Variants in ICA1 observed in about 807,000 individuals in gnomAD.
The protein encoded by ICA1 is islet cell autoantigen 1, also known as 69 kDa islet cell autoantigen.
A neutral mutation model predicts 71.0 loss-of-function variants in ICA1; 40 were observed. The observed-to-expected ratio is 0.56, with a 90% CI of 0.44 to 0.73. The LOEUF (loss-of-function observed/expected upper bound fraction) is 0.73, where lower values mean the gene tolerates loss of function less well. Ranked by LOEUF, ICA1 falls within the 30% of genes least tolerant of loss-of-function variation. The pLI, the probability that ICA1 is intolerant of heterozygous loss-of-function variation, is 0.00. For missense variants in ICA1, 578 were observed against 576.5 expected, an observed-to-expected ratio of 1.00 and a Z score of -0.03; for synonymous variants, 207 against 209.5, an observed-to-expected ratio of 0.99 and a Z score of 0.10.
chr7:8,211,014 G>C lies in ICA1; in HGVS notation c.579+7291C>G, dbSNP rs144062825. On this transcript the variant is annotated intron_variant, in intron 6 of 13. Transcript: ENST00000402384. ...TCACCTGCACTTTGGGTTGGAGGAA[G>C]GCCGCTGAATCGTAGAAGAGGAAGT... Among the ~76,000 whole-genome samples the C allele has an allele frequency of 2.5e-3, 388 of 152,304 alleles. 1 individual carries two copies. Among genetic ancestry groups the C allele is most frequent in the African/African-American group, 8.6e-3 (357 of 41,562 alleles).
intron 10 of ICA1, among the ~76,000 whole-genome samples, chr7:8,140,644 G>A (rs1023650794): frequency 3.3e-5 from 5 of 152,334 alleles, no homozygotes; most frequent in South Asian, 2.1e-4. Context: ...AGAGCCCAGC[G>A]CCATGCCTGG....
At chr7:8,257,612 C>T (rs955951371) in intron 1 of ICA1, among the ~76,000 whole-genome samples, 1 of 152,156 alleles carries the variant, frequency 6.6e-6, no homozygotes, top group Admixed American at 6.5e-5. Context: ...CTCCACAGAA[C>T]TATATTGCAT....
intron 13 of ICA1, among the ~76,000 whole-genome samples, chr7:8,122,758 C>T (rs979208850): frequency 5.9e-5 from 9 of 152,298 alleles, no homozygotes; most frequent in South Asian, 4.1e-4. Flanking sequence ...TAAATGGCAA[C>T]GGCATCTCAG....
intron 13 of ICA1, among the ~76,000 whole-genome samples, chr7:8,127,021 C>A (rs1394410115): frequency 2.0e-5 from 3 of 151,128 alleles, no homozygotes; most frequent in African/African-American, 7.3e-5. Flanking sequence ...GTTGCCCAGG[C>A]TAGAGTGCAG....
intron 3 of ICA1, among the ~76,000 whole-genome samples, chr7:8,232,114 A>G (rs1431412845): frequency 6.6e-6 from 1 of 152,210 alleles, no homozygotes; most frequent in Admixed American, 6.5e-5. Flanking sequence ...CCATATCTAA[A>G]TCCAGCTTAC....
intron 6 of ICA1, among the ~76,000 whole-genome samples, chr7:8,191,604 C>A (rs1002768369): frequency 2.6e-5 from 4 of 152,054 alleles, no homozygotes; most frequent in African/African-American, 4.8e-5. Flanking sequence ...AAATGCATTT[C>A]CGATTAGGAT....
In ICA1 at chr7:8,119,761, G is replaced by A. The variant is rs190686278; in HGVS notation, c.1331-5717C>T. Among the ~76,000 whole-genome samples, 401 of 152,270 alleles carry A rather than the reference G, an allele frequency of 2.6e-3. 9 individuals are homozygous for A. Among genetic ancestry groups the A allele is most frequent in the Non-Finnish European group, 7.6e-4 (52 of 68,020 alleles). On this transcript the variant is annotated intron_variant, in intron 13 of 13. Transcript: ENST00000402384. The stretch of plus-strand genomic sequence containing the variant: ...CTCAGGAGGTTGAGGCAGGAGATTC[G>A]CTTGAACCCGGGAGGCGGAGGTTGC...
At chr7:8,194,078 C>T (rs3823832) in intron 6 of ICA1, among the ~76,000 whole-genome samples, 105,048 of 152,146 alleles carry the variant, frequency 0.69, 41,695 homozygotes, top group South Asian at 0.89. Context: ...TTTAAAATCT[C>T]TGCCCCTTAA....
chr7:8,255,829 C>T (rs1252120571), intron 1 of ICA1, among the ~76,000 whole-genome samples: 1 of 142,536 alleles, frequency 7.0e-6, no homozygotes, highest in Non-Finnish European at 1.5e-5. Context: ...GGCTGGAGTG[C>T]AGTGGCACAA....
At chr7:8,200,340 A>G (rs1372528717) in intron 6 of ICA1, among the ~76,000 whole-genome samples, 1 of 148,554 alleles carries the variant, frequency 6.7e-6, no homozygotes, top group Non-Finnish European at 1.5e-5. Flanking sequence ...CAGTTGAGCA[A>G]AAAAAAAAAA....
intron 6 of ICA1, among the ~76,000 whole-genome samples, chr7:8,179,329 A>G (rs1282529980): frequency 6.6e-6 from 1 of 152,200 alleles, no homozygotes; most frequent in African/African-American, 2.4e-5. Context: ...AAGAGGCTAA[A>G]TGACTTAGGA....
Position 8,258,929 on chromosome 7 carries a change from G to C in ICA1, c.-80+3165C>G, listed in dbSNP as rs112847340. Among the ~76,000 whole-genome samples the C allele has an allele frequency of 3.0e-3, 460 of 152,282 alleles. 2 individuals are homozygous for C. Among genetic ancestry groups the C allele is most frequent in the African/African-American group, 0.01 (429 of 41,548 alleles). On this transcript the variant is annotated intron_variant, in intron 1 of 13. Transcript: ENST00000402384. ...GATTATAATATCTACTTATCTCAAA[G>C]GGGGTTGAGTATCACATAAGATCAT...
intron 6 of ICA1, among the ~76,000 whole-genome samples, chr7:8,192,556 T>C (rs1344056805): frequency 1.3e-5 from 2 of 152,216 alleles, no homozygotes; most frequent in African/African-American, 4.8e-5. Context: ...AATAATACAA[T>C]ATAATTTGAA....
intron 6 of ICA1, among the ~76,000 whole-genome samples, chr7:8,191,245 CTAATTA>C (rs1340959567): frequency 3.3e-5 from 5 of 152,154 alleles, no homozygotes; most frequent in Non-Finnish European, 5.9e-5. Flanking sequence ...GCACATAATT[CTAATTA>C]TATCACAATA....
intron 8 of ICA1, among the ~76,000 whole-genome samples, chr7:8,152,434 C>T (rs1357162094): frequency 7.9e-5 from 12 of 151,864 alleles, no homozygotes; most frequent in South Asian, 4.1e-4. Context: ...GAGCCTTTAC[C>T]GTGGCTGTTA....
intron 9 of ICA1, among the ~76,000 whole-genome samples, chr7:8,142,626 T>C (rs143437242): frequency 1.1e-3 from 164 of 152,316 alleles, no homozygotes; most frequent in South Asian, 1.7e-3. Flanking sequence ...CAAGAGTAAG[T>C]GGGCAGCCCC....
At chr7:8,212,752 C>T (rs1359484036) in intron 6 of ICA1, among the ~76,000 whole-genome samples, 2 of 152,170 alleles carry the variant, frequency 1.3e-5, no homozygotes. Flanking sequence ...CCTTCCTCCT[C>T]TCCATTTCCA....
chr7:8,141,689 C>A, intron 10 of ICA1, 76 bp downstream of exon 10: 1 of 956,012 alleles, frequency 1.0e-6, no homozygotes, highest in South Asian at 1.5e-5. Context: ...AGGAGTTTGT[C>A]AAAAAGTAAA....
At chr7:8,239,053 G>A (rs966153701) in intron 1 of ICA1, among the ~76,000 whole-genome samples, 2 of 152,174 alleles carry the variant, frequency 1.3e-5, no homozygotes, top group Non-Finnish European at 2.9e-5. Context: ...TGGATCATAG[G>A]CACAGGAGCA....
Sources: allele counts gnomAD v4.1 joint callset (sites outside exome capture counted in the v4.1 genomes callset), GRCh38; gene constraint gnomAD v4.1.1; transcripts MANE v1.5; gene names NCBI Gene and HGNC (gene_info 2026-07-23, HGNC 2026-07-21).